CDC14A: variants seen among roughly 807,000 people sequenced by gnomAD.
CDC14A encodes cell division cycle 14A.
In CDC14A, 53 loss-of-function variants were observed where a neutral mutation model predicts 74.4. That is an observed-to-expected ratio of 0.71 (90% CI 0.57 to 0.89). The LOEUF is 0.89. Ranked by LOEUF, CDC14A falls within the 40% of genes least tolerant of loss-of-function variation. The pLI is 0.00. For synonymous variants in CDC14A, 247 were observed against 258.4 expected, an observed-to-expected ratio of 0.96 and a Z score of 0.43; for missense variants, 646 against 713.7, an observed-to-expected ratio of 0.91 and a Z score of 1.08.
At chr1:100,417,189 A>G (rs1661648440) in intron 4 of CDC14A, among the ~76,000 whole-genome samples, 1 of 152,178 alleles carries the variant, frequency 6.6e-6, no homozygotes, top group Non-Finnish European at 1.5e-5. Context: ...GTCTCACTTT[A>G]GAGCTGTGAT....
intron 7 of CDC14A, among the ~76,000 whole-genome samples, chr1:100,448,270 C>T (rs1665769045): frequency 1.3e-5 from 2 of 152,196 alleles, no homozygotes; most frequent in Admixed American, 1.3e-4. Context: ...TATTTTCTAG[C>T]TGCCATTATC....
At chr1:100,348,014 T>C (rs1230189024), upstream of CDC14A, among the ~76,000 whole-genome samples, 1 of 152,172 alleles carries the variant, frequency 6.6e-6, no homozygotes, top group Non-Finnish European at 1.5e-5. Context: ...CCAGGTGCAG[T>C]GGTTCATGCC....
chr1:100,518,164 C>A, intron 15 of CDC14A, 87 bp from the exon 16 acceptor site: 1 of 973,896 alleles, frequency 1.0e-6, no homozygotes, highest in Non-Finnish European at 1.6e-6. Flanking sequence ...TCTAAGCTGT[C>A]TTGTGTGGAA....
intron 1 of CDC14A, 57 bp downstream of exon 1, chr1:100,353,060 C>G (rs1651334316): frequency 1.3e-6 from 2 of 1,573,536 alleles, no homozygotes; most frequent in African/African-American, 2.7e-5. Context: ...CTCTTCACTT[C>G]CCGCGCCACT....
chr1:100,359,524 T>C (rs368734786), intron 2 of CDC14A, among the ~76,000 whole-genome samples: 1 of 152,162 alleles, frequency 6.6e-6, no homozygotes, highest in African/African-American at 2.4e-5. Flanking sequence ...CCACTGACAG[T>C]ATATGCACAA....
At chr1:100,393,190 T>G in intron 4 of CDC14A, 1 of 1,594,280 alleles carries the variant, frequency 6.3e-7, no homozygotes, top group Non-Finnish European at 8.6e-7. Context: ...GATCCAGCTG[T>G]GAGTTGCATG....
At chr1:100,439,140 G>A (rs1664649907) in intron 5 of CDC14A, among the ~76,000 whole-genome samples, 1 of 152,196 alleles carries the variant, frequency 6.6e-6, no homozygotes, top group Non-Finnish European at 1.5e-5. Context: ...AAAGTATGAA[G>A]CACTCAATTT....
At chr1:100,495,577 G>A (rs1321081050) in intron 12 of CDC14A, among the ~76,000 whole-genome samples, 1 of 152,146 alleles carries the variant, frequency 6.6e-6, no homozygotes, top group Non-Finnish European at 1.5e-5. Flanking sequence ...TGGGTGGCAA[G>A]GCCCCAGTCC....
intron 2 of CDC14A, among the ~76,000 whole-genome samples, chr1:100,354,953 T>C (rs774552233): frequency 2.6e-5 from 4 of 152,196 alleles, no homozygotes; most frequent in Non-Finnish European, 2.9e-5. Context: ...ATCATAGAGG[T>C]TCTTGAAACT....
intron 4 of CDC14A, among the ~76,000 whole-genome samples, chr1:100,421,632 AC>A (rs1662373092): frequency 6.6e-6 from 1 of 152,194 alleles, no homozygotes; most frequent in Non-Finnish European, 1.5e-5. Flanking sequence ...GCATTTAGGA[AC>A]TTGGAAGAGT....
At chr1:100,359,602 T>C (rs914401885) in intron 2 of CDC14A, among the ~76,000 whole-genome samples, 2 of 152,176 alleles carry the variant, frequency 1.3e-5, no homozygotes, top group Non-Finnish European at 1.5e-5. Context: ...AATTTCACTT[T>C]TGGGGGGTAT....
chr1:100,412,843 G>T (rs1160592339), intron 4 of CDC14A, among the ~76,000 whole-genome samples: 7 of 143,178 alleles, frequency 4.9e-5, no homozygotes, highest in Non-Finnish European at 1.0e-4. Context: ...AGCTGTAATT[G>T]TTTCAGTTCT....
intron 15 of CDC14A, among the ~76,000 whole-genome samples, chr1:100,504,259 C>T (rs1490029349): frequency 2.0e-5 from 3 of 152,222 alleles, no homozygotes; most frequent in African/African-American, 7.2e-5. Flanking sequence ...CTATCTTAAT[C>T]TTCAAACATT....
rs112078644 is a variant in CDC14A at position 100,459,126 on chromosome 1, C to CAG, written c.608-3507_608-3506dup. Among the ~76,000 whole-genome samples, 750 of 144,666 alleles carry CAG rather than the reference C, an allele frequency of 5.2e-3. 7 individuals carry two copies. The highest frequency in any genetic ancestry group is 8.9e-3 in the Admixed American group (130 of 14,564). 94.9% of individuals were successfully genotyped at this position (144,666 alleles called of 152,430 possible). On this transcript the variant is annotated intron_variant, in intron 8 of 15. Transcript: ENST00000336454. ...GCACACACACACACACACACACACA[C>CAG]AGAGAGAGAGAGAGAGAGAAAGATA... is the stretch of plus-strand genomic sequence containing the variant.
chr1:100,492,840 C>CTG lies in CDC14A; in HGVS notation c.1138-1956_1138-1955dup, dbSNP rs3081872. Among the ~76,000 whole-genome samples the CTG allele has an allele frequency of 6.4e-3, 958 of 149,920 alleles. 13 individuals carry two copies. The highest frequency in any genetic ancestry group is 0.022 in the African/African-American group (901 of 40,828). On this transcript the variant is annotated intron_variant, in intron 11 of 15. Transcript: ENST00000336454. Reference sequence around the variant, plus strand: ...CTTGGACTGGTTGTTCTTAGCCCTGCTGTGTGTGTGTGTGTGTGTGTGTAT... The same window carrying CTG: ...CTTGGACTGGTTGTTCTTAGCCCTGCTGTGTGTGTGTGTGTGTGTGTGTGTAT...
chr1:100,518,543 G>T lies in CDC14A; in HGVS notation c.*263G>T. On this transcript the variant is annotated 3_prime_UTR_variant, in exon 16 of 16. Coordinates refer to ENST00000336454, the MANE Select transcript of CDC14A (RefSeq NM_003672.4). ...TTAATGTTGAATTTGGTATTTTGAA[G>T]GGTTATTTTTAATGTATTTTGGTAA... 2.9e-6 allele frequency: 1 copy of T among 339,100 alleles called. No individual in the cohort carries two copies. Among genetic ancestry groups the T allele is most frequent in the Non-Finnish European group, 5.4e-6 (1 of 183,876 alleles). The allele number at this position is 339,100 out of a possible 1,614,324, so 21.0% of individuals were successfully genotyped here.
chr1:100,489,436 T>C lies in CDC14A; in HGVS notation c.1137+4985T>C, dbSNP rs761041157. Among the ~76,000 whole-genome samples the C allele has an allele frequency of 3.9e-5, 6 of 152,342 alleles. No homozygotes were observed. The South Asian group carries it at 6.2e-4, about 16-fold the overall frequency. On this transcript the variant is annotated intron_variant, in intron 11 of 15. Coordinates refer to ENST00000336454, the MANE Select transcript of CDC14A (RefSeq NM_003672.4). ...CCACAGCCTTTCCTATAGCTTACTG[T>C]GCCACGATTTTGTTTAGGTTTTGGT...
intron 3 of CDC14A, among the ~76,000 whole-genome samples, chr1:100,383,022 C>T (rs939072282): frequency 2.6e-5 from 4 of 152,166 alleles, no homozygotes; most frequent in African/African-American, 9.7e-5. Context: ...GAGATTTCTT[C>T]ATGTGGTTCT....
intron 10 of CDC14A, among the ~76,000 whole-genome samples, chr1:100,476,377 G>A (rs974590076): frequency 6.6e-6 from 1 of 152,168 alleles, no homozygotes; most frequent in African/African-American, 2.4e-5. Flanking sequence ...GAACCTTGGA[G>A]GCAGAGGTTG....
Sources: allele counts gnomAD v4.1 joint callset (sites outside exome capture counted in the v4.1 genomes callset), GRCh38; gene constraint gnomAD v4.1.1; transcripts MANE v1.5; gene names NCBI Gene and HGNC (gene_info 2026-07-23, HGNC 2026-07-21).